Variants in ALG9 observed in about 807,000 individuals in gnomAD.
ALG9 encodes alpha-1,2-mannosyltransferase ALG9.
A neutral mutation model predicts 81.8 loss-of-function variants in ALG9; 55 were observed. The observed-to-expected ratio is 0.67, with a 90% CI of 0.54 to 0.84. The LOEUF (loss-of-function observed/expected upper bound fraction) is 0.84, where lower values mean the gene tolerates loss of function less well. Among genes scored for constraint, ALG9 ranks in the 40% least tolerant of loss-of-function variants. The pLI is 0.00. For missense variants in ALG9, 629 were observed against 745.0 expected (o/e 0.84, Z 1.81); for synonymous variants, 278 against 274.3 (o/e 1.01, Z -0.13).
rs60312459 is a variant in ALG9, at chr11:111,870,382, C to CAAAA, written c.132-16_132-13dup. 535 of 973,570 alleles carry CAAAA rather than the reference C, an allele frequency of 5.5e-4. 1 individual carries two copies. The highest frequency in any genetic ancestry group is 2.4e-3 in the South Asian group (102 of 42,874). 60.3% of individuals were successfully genotyped at this position (973,570 alleles called of 1,614,324 possible). A position where few individuals can be genotyped will look rare whatever the true frequency, so the allele number is the denominator to read the frequency against. ...TGTTCCCAGATAACCTGTTCAAAAGCAAAAAAAAAAAAAAAAAAAAAAGCA... is the reference window on the plus strand; with the variant it reads ...TGTTCCCAGATAACCTGTTCAAAAGCAAAAAAAAAAAAAAAAAAAAAAAAAAGCA... On this transcript the variant is annotated splice_polypyrimidine_tract_variant and intron_variant, in intron 1 of 14. Coordinates refer to ENST00000616540, the MANE Select transcript of ALG9 (RefSeq NM_024740.2).
At chr11:111,814,151 T>C (rs1305098036) in intron 13 of ALG9, among the ~76,000 whole-genome samples, 3 of 152,180 alleles carry the variant, frequency 2.0e-5, no homozygotes, top group Non-Finnish European at 4.4e-5. Flanking sequence ...ATCAATAAAT[T>C]GTGGTAAAGT....
At chr11:111,865,337 A>C in intron 3 of ALG9, 86 bp from the exon 4 acceptor site, 7 of 984,238 alleles carry the variant, frequency 7.1e-6, no homozygotes, top group Non-Finnish European at 1.1e-5. Context: ...ATTTATTGTC[A>C]ATAACACTGT....
chr11:111,818,512 C>T (rs1343173958), intron 13 of ALG9, among the ~76,000 whole-genome samples: 2 of 152,186 alleles, frequency 1.3e-5, no homozygotes, highest in African/African-American at 2.4e-5. Context: ...TGTTCCTACT[C>T]GTGGAACATT....
At chr11:111,863,466 C>T (rs917222861) in intron 4 of ALG9, among the ~76,000 whole-genome samples, 2 of 152,182 alleles carry the variant, frequency 1.3e-5, no homozygotes, top group East Asian at 1.9e-4. Flanking sequence ...ACGGAATTTA[C>T]GGTTACAATC....
At chr11:111,779,490 TTTTC>T (rs1366194390), downstream of ALG9, among the ~76,000 whole-genome samples, 1 of 152,060 alleles carries the variant, frequency 6.6e-6, no homozygotes, top group Non-Finnish European at 1.5e-5. Flanking sequence ...ATTTATATAC[TTTTC>T]TTTCTTTTAA....
rs1555117270 is a variant in ALG9, at chr11:111,836,145, G to C, written c.1602+20C>G. 1.2e-6 allele frequency: 2 copies of C among 1,613,600 alleles called. No individual in the cohort carries two copies. The highest frequency in any genetic ancestry group is 4.5e-5 in the East Asian group (2 of 44,878). On this transcript the variant is annotated intron_variant, in intron 13 of 14. Transcript: ENST00000616540. ...CATAGAATTCTTTTCAGAGAAGCAA[G>C]AAGAGAATGTAGCCCTTACATATCT...
Position 111,827,925 on chromosome 11 carries a change from C to G in ALG9, c.1602+8240G>C, listed in dbSNP as rs191975643. The stretch of plus-strand genomic sequence containing the variant: ...AGATGAGTCCGGACGTGGTGGCTCA[C>G]GTTTGTAATCCCAGCACTTTGGGAG... On this transcript the variant is annotated intron_variant, in intron 13 of 14. Transcript: ENST00000616540. 1.9e-3 allele frequency among the ~76,000 whole-genome samples: 281 copies of G among 149,642 alleles called. 5 individuals are homozygous for G. The highest frequency in any genetic ancestry group is 6.6e-3 in the African/African-American group (268 of 40,518).
At chr11:111,804,147 A>AG (rs1949573380) in intron 14 of ALG9, among the ~76,000 whole-genome samples, 1 of 151,514 alleles carries the variant, frequency 6.6e-6, no homozygotes, top group Admixed American at 6.6e-5. Context: ...AAAAAAAAAA[A>AG]AAAAGAAACA....
the ALG9 span, among the ~76,000 whole-genome samples, chr11:111,775,865 G>A: frequency 8.7e-4 from 133 of 152,244 alleles, no homozygotes; most frequent in Middle Eastern, 0.017. Context: ...TATAAGTCAC[G>A]GTTAAAAGAG....
intron 13 of ALG9, among the ~76,000 whole-genome samples, chr11:111,832,323 C>A (rs1030196432): frequency 1.3e-5 from 2 of 152,074 alleles, no homozygotes; most frequent in African/African-American, 4.8e-5. Context: ...GTTGTCCAGG[C>A]TGGAGTGTAG....
chr11:111,800,598 T>C (rs1948964625), intron 14 of ALG9, among the ~76,000 whole-genome samples: 1 of 152,144 alleles, frequency 6.6e-6, no homozygotes, highest in Admixed American at 6.6e-5. Flanking sequence ...CTTAAGAACA[T>C]ACCAGGAAAA....
chr11:111,823,406 A>C (rs896553550), intron 13 of ALG9, among the ~76,000 whole-genome samples: 47 of 152,234 alleles, frequency 3.1e-4, no homozygotes, highest in Admixed American at 7.2e-4. Flanking sequence ...GGAGGTAACA[A>C]ATATACAGGA....
chr11:111,851,365 G>A (rs569649148), intron 8 of ALG9, among the ~76,000 whole-genome samples: 4 of 151,806 alleles, frequency 2.6e-5, no homozygotes, highest in South Asian at 2.1e-4. Context: ...TATAATTCCC[G>A]ATACTCAGGA....
Position 111,786,527 on chromosome 11 carries a change from A to C in ALG9, c.1734-7T>G, listed in dbSNP as rs782700627. 2 of 1,613,704 alleles carry C rather than the reference A, an allele frequency of 1.2e-6. No homozygotes were observed. The highest frequency in any genetic ancestry group is 2.7e-5 in the African/African-American group (2 of 74,882). On this transcript the variant is annotated splice_region_variant and splice_polypyrimidine_tract_variant and intron_variant, in intron 14 of 14. Transcript: ENST00000616540. The stretch of plus-strand genomic sequence containing the variant: ...CCGCAGCAGCTTTGAAGATCTGAAA[A>C]ACAAGGGATAAAAAAAAGAATTTTA...
At chr11:111,769,989 T>A in the ALG9 span, among the ~76,000 whole-genome samples, 2 of 152,046 alleles carry the variant, frequency 1.3e-5, no homozygotes, top group African/African-American at 4.8e-5. Flanking sequence ...TTCCACCCCC[T>A]AACACCCCAT....
intron 14 of ALG9, among the ~76,000 whole-genome samples, chr11:111,791,271 A>C (rs1947361169): frequency 6.6e-6 from 1 of 152,256 alleles, no homozygotes; most frequent in Non-Finnish European, 1.5e-5. Context: ...ATGATACATC[A>C]TCATAACTTA....
chr11:111,834,694 C>T (rs782071900), intron 13 of ALG9, among the ~76,000 whole-genome samples: 4 of 152,090 alleles, frequency 2.6e-5, no homozygotes, highest in Non-Finnish European at 5.9e-5. Flanking sequence ...AGCAAAGCTC[C>T]GATAACATCA....
At chr11:111,813,484 C>T (rs1367805364) in intron 13 of ALG9, among the ~76,000 whole-genome samples, 1 of 152,080 alleles carries the variant, frequency 6.6e-6, no homozygotes, top group African/African-American at 2.4e-5. Context: ...CACCTGTGGT[C>T]CTAACTACTT....
chr11:111,871,143 T>C (rs1964173471), intron 1 of ALG9: 2 of 1,269,684 alleles, frequency 1.6e-6, no homozygotes, highest in Non-Finnish European at 2.0e-6. Context: ...AAGGCAGTTT[T>C]ACAGCGCAGT....
Sources: allele counts gnomAD v4.1 joint callset (sites outside exome capture counted in the v4.1 genomes callset), GRCh38; gene constraint gnomAD v4.1.1; transcripts MANE v1.5; gene names NCBI Gene and HGNC (gene_info 2026-07-23, HGNC 2026-07-21).